NME7: variants seen among roughly 807,000 people sequenced by gnomAD.
The protein encoded by NME7 is nucleoside diphosphate kinase 7.
A neutral mutation model predicts 49.1 loss-of-function variants in NME7; 41 were observed. The observed-to-expected ratio is 0.83, with a 90% CI of 0.65 to 1.08. The LOEUF is 1.08. Ranked by LOEUF, NME7 falls within the 50% of genes least tolerant of loss-of-function variation. The pLI is 0.00. For synonymous variants in NME7, 139 were observed against 150.6 expected (o/e 0.92, Z 0.56); for missense variants, 423 against 463.4 (o/e 0.91, Z 0.80).
At chr1:169,169,328 A>G (rs538028437) in intron 11 of NME7, 119 bp downstream of exon 11, 2 of 825,288 alleles carry the variant, frequency 2.4e-6, no homozygotes, top group Admixed American at 2.2e-5. Flanking sequence ...CACTCTCTGC[A>G]CATGTAACCT....
chr1:169,308,225 CAGGGTAA>C (rs1282882605), intron 4 of NME7, among the ~76,000 whole-genome samples: 1 of 152,008 alleles, frequency 6.6e-6, no homozygotes, highest in Non-Finnish European at 1.5e-5. Flanking sequence ...ATGTCATTGT[CAGGGTAA>C]AATGGAGGGT....
intron 7 of NME7, among the ~76,000 whole-genome samples, chr1:169,263,088 G>T: frequency 7.5e-6 from 1 of 133,110 alleles, no homozygotes; most frequent in South Asian, 2.3e-4. Flanking sequence ...TAAAAAAAAA[G>T]CAAAACAATC....
At chr1:169,209,205 G>T (rs1244674692) in intron 10 of NME7, among the ~76,000 whole-genome samples, 2 of 151,860 alleles carry the variant, frequency 1.3e-5, no homozygotes, top group Admixed American at 1.3e-4. Context: ...AAGACTAGGG[G>T]GTTCCAAATT....
chr1:169,177,682 C>T (rs1000673995), intron 10 of NME7, among the ~76,000 whole-genome samples: 1 of 152,050 alleles, frequency 6.6e-6, no homozygotes, highest in Non-Finnish European at 1.5e-5. Context: ...GCTTAACTCT[C>T]CAACCCCACC....
rs189572403 is a variant in NME7 at position 169,144,300 on chromosome 1, C to G, written c.1099-11483G>C. Among the ~76,000 whole-genome samples the G allele has an allele frequency of 3.0e-3, 452 of 152,230 alleles. 1 individual carries two copies. The highest frequency in any genetic ancestry group is 0.011 in the African/African-American group (439 of 41,548). On this transcript the variant is annotated intron_variant, in intron 11 of 11. Coordinates refer to ENST00000367811, the MANE Select transcript of NME7 (RefSeq NM_013330.5). ...TCAAATGAGAAGACAAACTGGAATACTAGCAAATAAAATTGAATACTTGCA... is the reference window on the plus strand; with the variant it reads ...TCAAATGAGAAGACAAACTGGAATAGTAGCAAATAAAATTGAATACTTGCA...
At chr1:169,171,201 CTACAAAAAA>C (rs1659576450) in intron 10 of NME7, among the ~76,000 whole-genome samples, 1 of 151,850 alleles carries the variant, frequency 6.6e-6, no homozygotes. Flanking sequence ...GACCCCGTTG[CTACAAAAAA>C]TACAAAAATT....
rs1649167886 is a variant in NME7 at position 169,261,724 on chromosome 1, C to T, written c.755-24037G>A. 1.5e-5 allele frequency among the ~76,000 whole-genome samples: 2 copies of T among 133,618 alleles called. 1 individual carries two copies. Among genetic ancestry groups the T allele is most frequent in the Admixed American group, 1.5e-4 (2 of 13,572 alleles). 87.7% of individuals were successfully genotyped at this position (133,618 alleles called of 152,430 possible). A position where few individuals can be genotyped will look rare whatever the true frequency, so the allele number is the denominator to read the frequency against. On this transcript the variant is annotated intron_variant, in intron 7 of 11. Coordinates refer to ENST00000367811, the MANE Select transcript of NME7 (RefSeq NM_013330.5). ...CCTGCCCAGAATTTCTCATAAGTGG[C>T]TCTTGTACTGGGTGTTTATCAGGAA...
intron 7 of NME7, among the ~76,000 whole-genome samples, chr1:169,262,581 A>G (rs1344124295): frequency 7.5e-6 from 1 of 133,166 alleles, no homozygotes; most frequent in East Asian, 2.0e-4. Flanking sequence ...GATGAGATAC[A>G]TCAAGGCAGC....
intron 10 of NME7, among the ~76,000 whole-genome samples, chr1:169,203,304 A>G (rs571026411): frequency 2.6e-5 from 4 of 152,244 alleles, no homozygotes; most frequent in South Asian, 4.1e-4. Flanking sequence ...TTTGTATTCA[A>G]CTGTACAAAT....
At chr1:169,288,638 G>T (rs35448601) in intron 6 of NME7, among the ~76,000 whole-genome samples, 10,650 of 152,152 alleles carry the variant, frequency 0.07, 1,486 homozygotes, top group East Asian at 0.67. Context: ...GGATGATGAG[G>T]AATTATTCAA....
At chr1:169,332,590 C>T (rs1356596974) in intron 1 of NME7, among the ~76,000 whole-genome samples, 3 of 152,130 alleles carry the variant, frequency 2.0e-5, no homozygotes, top group Non-Finnish European at 4.4e-5. Flanking sequence ...GGATTAATAA[C>T]CAGAACACCT....
chr1:169,306,513 C>A (rs1034714694), intron 4 of NME7, among the ~76,000 whole-genome samples: 1 of 152,036 alleles, frequency 6.6e-6, no homozygotes, highest in African/African-American at 2.4e-5. Flanking sequence ...GAATTGCTCC[C>A]AGAGATATAC....
intron 7 of NME7, among the ~76,000 whole-genome samples, chr1:169,281,470 C>T (rs1343416243): frequency 6.6e-6 from 1 of 152,124 alleles, no homozygotes; most frequent in East Asian, 1.9e-4. Flanking sequence ...ATTGCCCTGG[C>T]CAGAACATCC....
chr1:169,252,965 C>A (rs1382526088), intron 7 of NME7, among the ~76,000 whole-genome samples: 5 of 149,216 alleles, frequency 3.4e-5, no homozygotes, highest in Non-Finnish European at 4.5e-5. Context: ...GTTACTGTAG[C>A]CTTGTAGTAT....
intron 7 of NME7, among the ~76,000 whole-genome samples, chr1:169,283,048 T>C (rs1650096239): frequency 6.6e-6 from 1 of 152,156 alleles, no homozygotes; most frequent in Non-Finnish European, 1.5e-5. Context: ...CACTGGGGTG[T>C]TAAATTCTCC....
chr1:169,161,299 C>G (rs551721344), intron 11 of NME7, among the ~76,000 whole-genome samples: 1 of 152,256 alleles, frequency 6.6e-6, no homozygotes, highest in African/African-American at 2.4e-5. Flanking sequence ...ACAAGTTGTT[C>G]CCTCTTTGAC....
rs1325176991 is a variant in NME7 at position 169,264,679 on chromosome 1, C to G, written c.754+22624G>C. ...ACAATAATAGTGGGAGACATCAACA[C>G]CCTACTGACAGTAATAGATCATTGA... On this transcript the variant is annotated intron_variant, in intron 7 of 11. Coordinates refer to ENST00000367811, the MANE Select transcript of NME7 (RefSeq NM_013330.5). 2.3e-5 allele frequency among the ~76,000 whole-genome samples: 3 copies of G among 133,160 alleles called. 1 individual carries two copies. The East Asian group carries it at 6.0e-4, about 26-fold the overall frequency. The allele number at this position is 133,160 out of a possible 152,430, so 87.4% of individuals were successfully genotyped here.
At chr1:169,281,008 T>C (rs1048148005) in intron 7 of NME7, among the ~76,000 whole-genome samples, 1 of 152,148 alleles carries the variant, frequency 6.6e-6, no homozygotes, top group African/African-American at 2.4e-5. Flanking sequence ...CAATGGTAGC[T>C]TGATGGGGAT....
intron 3 of NME7, among the ~76,000 whole-genome samples, chr1:169,312,917 T>C (rs1571379716): frequency 1.3e-5 from 2 of 152,318 alleles, no homozygotes; most frequent in East Asian, 1.9e-4. Flanking sequence ...TCTAAACCTA[T>C]TCTAAAAGTA....
Sources: allele counts gnomAD v4.1 joint callset (sites outside exome capture counted in the v4.1 genomes callset), GRCh38; gene constraint gnomAD v4.1.1; transcripts MANE v1.5; gene names NCBI Gene and HGNC (gene_info 2026-07-23, HGNC 2026-07-21).